The following AP4S1 variants were observed in gnomAD, a reference collection of about 807,000 sequenced individuals.
The protein encoded by AP4S1 is adaptor related protein complex 4 subunit sigma 1.
In AP4S1, 23 loss-of-function variants were observed where a neutral mutation model predicts 19.8. That is an observed-to-expected ratio of 1.16 (90% CI 0.84 to 1.65). AP4S1 has a LOEUF of 1.65. AP4S1 is among the 40% of genes most tolerant of loss of function. The probability of loss-of-function intolerance (pLI) is 0.00; values close to 1 mark genes in which losing one functional copy is unlikely to be tolerated. For synonymous variants in AP4S1, 46 were observed against 54.1 expected (o/e 0.85, Z 0.66); for missense variants, 166 against 172.8 (o/e 0.96, Z 0.22).
At chr14:31,047,294 T>C (rs1885464143) in intron 1 of AP4S1, among the ~76,000 whole-genome samples, 1 of 152,122 alleles carries the variant, frequency 6.6e-6, no homozygotes, top group Non-Finnish European at 1.5e-5. Context: ...TGACACTTCA[T>C]TTTCTTAATA....
chr14:31,025,857 G>C, intron 1 of AP4S1, 70 bp downstream of exon 1: 1 of 1,570,084 alleles, frequency 6.4e-7, no homozygotes, highest in Non-Finnish European at 8.6e-7. Context: ...CCCCCCGGCC[G>C]GGAACCCAGC....
chr14:31,075,121 C>G (rs1252758823), intron 4 of AP4S1, among the ~76,000 whole-genome samples: 1 of 152,262 alleles, frequency 6.6e-6, no homozygotes, highest in African/African-American at 2.4e-5. Flanking sequence ...AACACTAGGT[C>G]TTATTTCTTC....
At chr14:31,084,725 T>C (rs1331987881) in intron 5 of AP4S1, 1 of 1,613,208 alleles carries the variant, frequency 6.2e-7, no homozygotes, top group Admixed American at 1.7e-5. Flanking sequence ...CTTGGTAGAT[T>C]TATTTAAGAC....
chr14:31,060,226 T>C (rs1038109038), intron 1 of AP4S1, among the ~76,000 whole-genome samples: 1 of 151,744 alleles, frequency 6.6e-6, no homozygotes, highest in Non-Finnish European at 1.5e-5. Flanking sequence ...AGATGGAAAA[T>C]ACAGTGTTTG....
At chr14:31,048,800 T>A (rs1885566810) in intron 1 of AP4S1, among the ~76,000 whole-genome samples, 1 of 152,158 alleles carries the variant, frequency 6.6e-6, no homozygotes, top group African/African-American at 2.4e-5. Context: ...GGTTCTTCCG[T>A]ATCTGCTGAG....
chr14:31,035,320 G>A (rs1257626557), intron 1 of AP4S1, among the ~76,000 whole-genome samples: 8 of 146,304 alleles, frequency 5.5e-5, no homozygotes, highest in African/African-American at 1.8e-4. Flanking sequence ...TCAGCCTCCC[G>A]AGTAGCTGGG....
chr14:31,052,334 A>G (rs370916652), intron 1 of AP4S1, among the ~76,000 whole-genome samples: 10 of 152,266 alleles, frequency 6.6e-5, no homozygotes, highest in Admixed American at 2.0e-4. Flanking sequence ...CGCTTGCTCC[A>G]TGTTTCACTA....
In AP4S1 at chr14:31,044,029, C is replaced by T. The variant is rs571263067; in HGVS notation, c.-72+18242C>T. On this transcript the variant is annotated intron_variant, in intron 1 of 5. Transcript: ENST00000542754. ...CAGTAGCTTAATTGTTTAGGGTAAA[C>T]ATTTATTTTACAGCTAGATAACTTT... is the stretch of plus-strand genomic sequence containing the variant. 5.9e-5 allele frequency among the ~76,000 whole-genome samples: 9 copies of T among 152,200 alleles called. 1 individual carries two copies. The highest frequency in any genetic ancestry group is 1.9e-4 in the African/African-American group (8 of 41,536).
chr14:31,088,968 T>G (rs1366816635), intron 5 of AP4S1, among the ~76,000 whole-genome samples: 4 of 151,746 alleles, frequency 2.6e-5, no homozygotes, highest in African/African-American at 9.7e-5. Flanking sequence ...TCAAGACCAG[T>G]CTGGGCAAGA....
chr14:31,067,336 A>G (rs1410288730), intron 2 of AP4S1, among the ~76,000 whole-genome samples: 2 of 150,862 alleles, frequency 1.3e-5, no homozygotes, highest in African/African-American at 4.9e-5. Flanking sequence ...GGTTTGTTAC[A>G]TATGTATACA....
At chr14:31,049,474 T>TACACACACAC (rs1165169644) in intron 1 of AP4S1, among the ~76,000 whole-genome samples, 2,539 of 56,846 alleles carry the variant, frequency 0.045, 103 homozygotes, top group Middle Eastern at 0.14. Flanking sequence ...TATATATATG[T>TACACACACAC]ACACACACAC....
intron 3 of AP4S1, among the ~76,000 whole-genome samples, chr14:31,071,545 T>G (rs57741265): frequency 0.46 from 70,170 of 151,714 alleles, 16,570 homozygotes; most frequent in Admixed American, 0.58. Flanking sequence ...CTCAGCCTCC[T>G]GAGTAGCTAG....
intron 5 of AP4S1, among the ~76,000 whole-genome samples, chr14:31,083,962 A>G (rs1887795622): frequency 6.6e-6 from 1 of 152,140 alleles, no homozygotes; most frequent in South Asian, 2.1e-4. Flanking sequence ...TTCCTGCTCC[A>G]TCTGTGGAGG....
chr14:31,074,861 C>A (rs565024335), intron 4 of AP4S1, among the ~76,000 whole-genome samples: 24 of 151,932 alleles, frequency 1.6e-4, no homozygotes, highest in Admixed American at 1.6e-3. Context: ...AGTGATCTAT[C>A]TTTTTTTCTT....
At chr14:31,091,352 TTTCTA>T (rs1261511852) in intron 5 of AP4S1, among the ~76,000 whole-genome samples, 1 of 152,184 alleles carries the variant, frequency 6.6e-6, no homozygotes, top group Non-Finnish European at 1.5e-5. Flanking sequence ...TAGCTCTGCC[TTTCTA>T]TATATACCTG....
At chr14:31,082,343 T>C (rs1887680419) in intron 5 of AP4S1, among the ~76,000 whole-genome samples, 1 of 152,214 alleles carries the variant, frequency 6.6e-6, no homozygotes, top group Admixed American at 6.5e-5. Flanking sequence ...TATATTACAG[T>C]ATATTTTTAT....
intron 3 of AP4S1, 129 bp downstream of exon 3, chr14:31,070,058 G>A (rs1451389074): frequency 1.5e-5 from 12 of 774,978 alleles, no homozygotes; most frequent in Non-Finnish European, 2.7e-5. Context: ...GCCGTGGCAT[G>A]ATCTCAGCTC....
chr14:31,085,312 G>A lies in AP4S1; in HGVS notation c.306+4728G>A, dbSNP rs527536058. 6.1e-5 allele frequency: 61 copies of A among 998,118 alleles called. No individual in the cohort carries two copies. In the Admixed American group the frequency reaches 7.2e-4, roughly 12 times the overall value. 61.8% of individuals were successfully genotyped at this position (998,118 alleles called of 1,614,324 possible). ...CACCTTCACCCCAAGACTAGGGGCA[G>A]GAATGATAAGAAGGCTGGGTGGTAG... On this transcript the variant is annotated intron_variant, in intron 5 of 5. Coordinates refer to ENST00000542754, the MANE Select transcript of AP4S1 (RefSeq NM_001128126.3).
intron 1 of AP4S1, among the ~76,000 whole-genome samples, chr14:31,031,032 G>A (rs1028564511): frequency 6.6e-6 from 1 of 152,090 alleles, no homozygotes; most frequent in Non-Finnish European, 1.5e-5. Context: ...TCATGGGGAC[G>A]GTTTCCCCCA....
Sources: allele counts gnomAD v4.1 joint callset (sites outside exome capture counted in the v4.1 genomes callset), GRCh38; gene constraint gnomAD v4.1.1; transcripts MANE v1.5; gene names NCBI Gene and HGNC (gene_info 2026-07-23, HGNC 2026-07-21).